RABL2A: variants seen among roughly 807,000 people sequenced by gnomAD.
RABL2A encodes the protein rab-like protein 2A.
A neutral mutation model predicts 30.7 loss-of-function variants in RABL2A; 17 were observed. The observed-to-expected ratio is 0.55, with a 90% confidence interval of 0.38 to 0.83. The LOEUF (loss-of-function observed/expected upper bound fraction) is 0.83, where lower values mean the gene tolerates loss of function less well. Ranked by LOEUF, RABL2A falls within the 40% of genes least tolerant of loss-of-function variation. RABL2A has a pLI of 0.00. For synonymous variants in RABL2A, 64 were observed against 101.8 expected (o/e 0.63, Z 2.24); for missense variants, 155 against 272.6 (o/e 0.57, Z 3.04).
chr2:113,637,565 A>G, intron 5 of RABL2A: 1 of 1,207,050 alleles, frequency 8.3e-7, no homozygotes, highest in Admixed American at 3.5e-5. Context: ...TAAAGGAAGG[A>G]ACTCGTCACC....
Position 113,640,989 on chromosome 2 carries a change from G to T in RABL2A, c.393G>T (p.Val131=). The change falls in exon 6 of 9, where the codon GTG becomes GTT. Residue 131 remains valine (V), a synonymous_variant. Transcript: ENST00000683472. ...EFRPEIPCIV[V]ANKIDADINV... ...GGCCAGAGATCCCATGCATCGTGGT[G>T]GCCAATAAAATTGATGGTGGGGCCA... 6.2e-7 allele frequency: 1 copy of T among 1,613,564 alleles called. No homozygotes were observed. The highest frequency in any genetic ancestry group is 1.3e-5 in the African/African-American group (1 of 74,890).
At position 113,643,330 on chromosome 2, in the gene RABL2A, G is replaced by A. The variant is rs2104905662; in HGVS notation, c.*1201G>A. ...TAATCTCGGGCATTGTTTGCATTGT[G>A]TTTATTAATAGGGTTTTGTTTTTAT... On this transcript the variant is annotated 3_prime_UTR_variant, in exon 9 of 9. Transcript: ENST00000683472. The A allele has an allele frequency of 5.8e-6, 2 of 344,220 alleles. No individual in the cohort carries two copies. The highest frequency in any genetic ancestry group is 8.4e-5 in the East Asian group (1 of 11,884). The allele number at this position is 344,220 out of a possible 1,614,324, so 21.3% of individuals were successfully genotyped here.
At chr2:113,634,439 C>T (rs1681678450) in intron 4 of RABL2A, 1 of 636,074 alleles carries the variant, frequency 1.6e-6, no homozygotes, top group South Asian at 1.9e-5. Flanking sequence ...GCCCTCTGAC[C>T]TGGCGTCCAG....
intron 3 of RABL2A, chr2:113,633,636 C>T: frequency 1.0e-5 from 2 of 197,752 alleles, no homozygotes; most frequent in Non-Finnish European, 2.1e-5. Context: ...CACTGTCCAG[C>T]TTCTTGCAGC....
chr2:113,634,317 G>A, intron 4 of RABL2A, 85 bp downstream of exon 4: 1 of 1,542,304 alleles, frequency 6.5e-7, no homozygotes, highest in Non-Finnish European at 8.8e-7. Context: ...TTCATAAGGA[G>A]AGAGTCCAGA....
chr2:113,641,183 G>A lies in RABL2A; in HGVS notation c.410-170G>A, dbSNP rs574869687. ...ACCTTATAAAGAAGCCAGCTAAGCC[G>A]ACCTGCCCTCTTTCCAAGACACAGA... is the stretch of plus-strand genomic sequence containing the variant. On this transcript the variant is annotated intron_variant, in intron 6 of 8. Coordinates refer to ENST00000683472, the MANE Select transcript of RABL2A (RefSeq NM_001306158.2). The A allele has an allele frequency of 3.9e-5, 43 of 1,102,434 alleles. No individual in the cohort carries two copies. In the African/African-American group the frequency reaches 4.1e-4, roughly 11 times the overall value. The allele number at this position is 1,102,434 out of a possible 1,614,324, so 68.3% of individuals were successfully genotyped here. A position where few individuals can be genotyped will look rare whatever the true frequency, so the allele number is the denominator to read the frequency against.
intron 5 of RABL2A, chr2:113,637,772 G>C: frequency 7.8e-7 from 1 of 1,285,028 alleles, no homozygotes; most frequent in Non-Finnish European, 1.0e-6. Flanking sequence ...GTGGCATTTG[G>C]TATTTTGAGC....
chr2:113,643,359 T>G lies in RABL2A; in HGVS notation c.*1230T>G. 2.9e-6 allele frequency: 1 copy of G among 343,050 alleles called. No individual in the cohort carries two copies. The highest frequency in any genetic ancestry group is 2.2e-5 in the South Asian group (1 of 45,366). The allele number at this position is 343,050 out of a possible 1,614,324, so 21.3% of individuals were successfully genotyped here. A position where few individuals can be genotyped will look rare whatever the true frequency, so the allele number is the denominator to read the frequency against. On this transcript the variant is annotated 3_prime_UTR_variant, in exon 9 of 9. Coordinates refer to ENST00000683472, the MANE Select transcript of RABL2A (RefSeq NM_001306158.2). The stretch of plus-strand genomic sequence containing the variant: ...ATTAATAGGGTTTTGTTTTTATTGT[T>G]TCCTTTTTTACAGTAAAGGCTGAAT...
intron 5 of RABL2A, chr2:113,640,510 A>G: frequency 3.4e-6 from 1 of 293,886 alleles, no homozygotes. Flanking sequence ...CAAGTAGCTG[A>G]GATTACCGGC....
chr2:113,637,017 G>T (rs1683138709), intron 5 of RABL2A, among the ~76,000 whole-genome samples: 1 of 151,198 alleles, frequency 6.6e-6, no homozygotes, highest in African/African-American at 2.4e-5. Context: ...AAAAAATAAA[G>T]TCTGCCATGG....
At chr2:113,636,739 A>G (rs1464780284) in intron 5 of RABL2A, among the ~76,000 whole-genome samples, 4 of 152,226 alleles carry the variant, frequency 2.6e-5, no homozygotes, top group Non-Finnish European at 5.9e-5. Flanking sequence ...CTGTAATCCC[A>G]GCACTTTGGG....
At chr2:113,632,227 C>T (rs1194898946) in intron 2 of RABL2A, among the ~76,000 whole-genome samples, 8 of 152,096 alleles carry the variant, frequency 5.3e-5, no homozygotes, top group Non-Finnish European at 1.2e-4. Context: ...GAGGAAATGG[C>T]CAGTGGCTAG....
chr2:113,636,015 GGA>G (rs1468880219), intron 5 of RABL2A, among the ~76,000 whole-genome samples: 1 of 151,570 alleles, frequency 6.6e-6, no homozygotes, highest in Non-Finnish European at 1.5e-5. Context: ...GGCTGAGGCA[GGA>G]GAATCATTTG....
In RABL2A at chr2:113,642,550, C is replaced by A; in HGVS notation, c.*421C>A. 3.9e-6 allele frequency: 1 copy of A among 255,594 alleles called. No individual in the cohort carries two copies. The highest frequency in any genetic ancestry group is 1.1e-4 in the East Asian group (1 of 8,874). The allele number at this position is 255,594 out of a possible 1,614,324, so 15.8% of individuals were successfully genotyped here. A position where few individuals can be genotyped will look rare whatever the true frequency, so the allele number is the denominator to read the frequency against. On this transcript the variant is annotated 3_prime_UTR_variant, in exon 9 of 9. Transcript: ENST00000683472. ...CTTCTCCTGAGGTAATGATTACCCC[C>A]CCACCCACAGCTGAGTCTGTGAGGC...
chr2:113,634,090 C>G, intron 3 of RABL2A, 63 bp from the exon 4 acceptor site: 1 of 1,555,010 alleles, frequency 6.4e-7, no homozygotes, highest in South Asian at 1.2e-5. Context: ...AACCAAACAC[C>G]CCTGCTCCCC....
Position 113,641,462 on chromosome 2 carries a change from T to A in RABL2A, c.507+12T>A, listed in dbSNP as rs1685133720. The A allele has an allele frequency of 6.2e-7, 1 of 1,612,356 alleles. No homozygotes were observed. The highest frequency in any genetic ancestry group is 1.7e-5 in the Admixed American group (1 of 59,902). On this transcript the variant is annotated intron_variant, in intron 7 of 8. Transcript: ENST00000683472. ...CCAATGTTGTGAAGGTGTGGTTGAC[T>A]GCAGAGGTAGCTAGCAAGGTCAGGG...
At chr2:113,637,003 AAT>A (rs1218052453) in intron 5 of RABL2A, among the ~76,000 whole-genome samples, 15,366 of 147,642 alleles carry the variant, frequency 0.1, 1,251 homozygotes, top group African/African-American at 0.23. Context: ...AAAATAAAAA[AAT>A]AAAAAAATAA....
rs183398212 is a variant in RABL2A at position 113,634,511 on chromosome 2, G to C, written c.217+279G>C. 885 of 523,034 alleles carry C rather than the reference G, an allele frequency of 1.7e-3. 13 individuals carry two copies. The East Asian group carries it at 0.018, about 11-fold the overall frequency. 32.4% of individuals were successfully genotyped at this position (523,034 alleles called of 1,614,324 possible). ...AAGTCAGGGGGCTGTACCCACCTCA[G>C]GGAAGAAGAACATAAGAGGCCTTCG... is the stretch of plus-strand genomic sequence containing the variant. On this transcript the variant is annotated intron_variant, in intron 4 of 8. Transcript: ENST00000683472.
chr2:113,628,373 T>A (rs552554071), intron 1 of RABL2A, 181 bp from the exon 2 acceptor site: 17 of 424,804 alleles, frequency 4.0e-5, no homozygotes, highest in Admixed American at 8.0e-5. Context: ...GACTTAACTA[T>A]TTGTGTATAA....
Sources: gnomAD v4.1 joint callset for allele counts (sites outside exome capture counted in the v4.1 genomes callset) on GRCh38, gnomAD v4.1.1 for gene constraint, MANE v1.5 for transcripts, NCBI Gene and HGNC (gene_info 2026-07-23, HGNC 2026-07-21) for gene names.